The following LIMCH1 variants were observed in gnomAD, a reference collection of about 807,000 sequenced individuals.
LIMCH1 encodes LIM and calponin homology domains-containing protein 1.
Under a neutral mutation model 176.5 loss-of-function variants are expected in LIMCH1, and 113 were observed. The observed-to-expected ratio is 0.64, with a 90% CI of 0.55 to 0.75. LIMCH1 has a LOEUF of 0.75. LIMCH1 is among the 30% of genes least tolerant of loss of function. The pLI, the probability that LIMCH1 is intolerant of heterozygous loss-of-function variation, is 0.00. For synonymous variants in LIMCH1, 619 were observed against 645.9 expected (o/e 0.96, Z 0.63); for missense variants, 1,674 against 1,814.9 (o/e 0.92, Z 1.41).
intron 31 of LIMCH1, among the ~76,000 whole-genome samples, chr4:41,693,855 T>C (rs991827146): frequency 7.9e-5 from 12 of 152,156 alleles, no homozygotes; most frequent in African/African-American, 2.9e-4. Context: ...AAAAGTGCTG[T>C]AGATCTGAGT....
intron 1 of LIMCH1, among the ~76,000 whole-genome samples, chr4:41,467,007 A>G (rs189743253): frequency 5.3e-5 from 8 of 152,266 alleles, no homozygotes; most frequent in Non-Finnish European, 1.2e-4. Context: ...TACCTCGCAT[A>G]GGTGGAATCA....
chr4:41,518,706 G>A (rs1342531906), intron 2 of LIMCH1, among the ~76,000 whole-genome samples: 3 of 152,124 alleles, frequency 2.0e-5, no homozygotes, highest in Non-Finnish European at 4.4e-5. Flanking sequence ...CATGCATTAG[G>A]TATTTGTCCT....
chr4:41,682,513 G>A (rs767037533), intron 26 of LIMCH1, 53 bp downstream of exon 26: 67 of 1,581,264 alleles, frequency 4.2e-5, no homozygotes, highest in Admixed American at 9.0e-5. Context: ...GGCTCTGCTC[G>A]TGCACGCTCA....
At chr4:41,620,905 G>A (rs2092523768) in intron 7 of LIMCH1, among the ~76,000 whole-genome samples, 2 of 152,232 alleles carry the variant, frequency 1.3e-5, no homozygotes, top group South Asian at 4.1e-4. Context: ...GGTGAAGAGT[G>A]AGCTCCTCAC....
At chr4:41,482,866 G>A (rs563983821) in intron 1 of LIMCH1, among the ~76,000 whole-genome samples, 90 of 152,304 alleles carry the variant, frequency 5.9e-4, no homozygotes, top group African/African-American at 2.1e-3. Flanking sequence ...GTTGGTACAA[G>A]TTCATTAATT....
At chr4:41,559,227 A>G (rs1387635225) in intron 1 of LIMCH1, among the ~76,000 whole-genome samples, 1 of 152,166 alleles carries the variant, frequency 6.6e-6, no homozygotes, top group Non-Finnish European at 1.5e-5. Context: ...ATAAATCAAA[A>G]GTCCAGCTTC....
At chr4:41,517,337 G>C (rs1174359044) in intron 2 of LIMCH1, among the ~76,000 whole-genome samples, 1 of 152,164 alleles carries the variant, frequency 6.6e-6, no homozygotes. Context: ...TCCAGTGTGT[G>C]CCCGAGACAG....
chr4:41,442,796 C>A (rs909032050), intron 1 of LIMCH1, among the ~76,000 whole-genome samples: 2 of 152,200 alleles, frequency 1.3e-5, no homozygotes, highest in African/African-American at 4.8e-5. Context: ...CCCTTCCTCC[C>A]TCTATTGTAT....
intron 1 of LIMCH1, among the ~76,000 whole-genome samples, chr4:41,594,782 C>T (rs924781114): frequency 2.0e-5 from 3 of 152,106 alleles, no homozygotes; most frequent in African/African-American, 7.2e-5. Context: ...TGTTCAAAGG[C>T]GTGCATCCCA....
At chr4:41,458,727 T>C (rs2064927203) in intron 1 of LIMCH1, among the ~76,000 whole-genome samples, 1 of 148,942 alleles carries the variant, frequency 6.7e-6, no homozygotes, top group Non-Finnish European at 1.5e-5. Context: ...TAAGCTGAGA[T>C]TGTGCCACTG....
intron 1 of LIMCH1, among the ~76,000 whole-genome samples, chr4:41,419,133 A>G (rs868776933): frequency 9.3e-6 from 1 of 107,100 alleles, no homozygotes; most frequent in Non-Finnish European, 1.8e-5. Context: ...GTTTTATTTT[A>G]TTTTATTTTA....
chr4:41,620,560 C>G lies in LIMCH1; in HGVS notation c.595C>G (p.Pro199Ala). 3 of 1,536,292 alleles carry G rather than the reference C, an allele frequency of 2.0e-6. No homozygotes were observed. Among genetic ancestry groups the G allele is most frequent in the Non-Finnish European group, 2.6e-6 (3 of 1,146,970 alleles). The change falls in exon 7 of 32, where the codon CCT becomes GCT. Residue 199 changes from proline (P) to alanine (A), a missense_variant. Pro to Ala is a conservative substitution (Grantham distance 27). Transcript: ENST00000503057. ...ACCTGACGGCAGTGGTAAGGAGCAC[C>G]CTTCTTCAGACGGGGCTGTGGTGGC... ...ELPDGSGKEHPSSDGAVVAPA... is the reference protein window; with the variant it reads ...ELPDGSGKEHASSDGAVVAPA...
chr4:41,550,480 C>T (rs2080246718), intron 1 of LIMCH1, among the ~76,000 whole-genome samples: 2 of 152,174 alleles, frequency 1.3e-5, no homozygotes, highest in African/African-American at 2.4e-5. Flanking sequence ...ATCAATCATA[C>T]ACCACTTGGC....
At chr4:41,474,919 A>C (rs1412353016) in intron 1 of LIMCH1, among the ~76,000 whole-genome samples, 2 of 152,200 alleles carry the variant, frequency 1.3e-5, no homozygotes, top group Non-Finnish European at 2.9e-5. Context: ...ATATGGAAAC[A>C]ACAGAGTGTT....
intron 1 of LIMCH1, among the ~76,000 whole-genome samples, chr4:41,564,148 T>G (rs887450969): frequency 6.6e-6 from 1 of 152,224 alleles, no homozygotes; most frequent in Non-Finnish European, 1.5e-5. Context: ...CAATTACTTC[T>G]CATAACAAGT....
chr4:41,360,132 G>C (rs945187275), upstream of LIMCH1, among the ~76,000 whole-genome samples: 2 of 152,080 alleles, frequency 1.3e-5, no homozygotes, highest in Non-Finnish European at 2.9e-5. This position sits in a 1 kb window ranked among gnomAD's most constrained non-coding sequence, Gnocchi z 4.5. Context: ...TTGGTTGACT[G>C]CATCGACAGA....
chr4:41,523,548 G>A (rs765960903), intron 2 of LIMCH1, among the ~76,000 whole-genome samples: 3 of 152,132 alleles, frequency 2.0e-5, no homozygotes, highest in Non-Finnish European at 4.4e-5. Context: ...ATTCCCGAAC[G>A]TGGAAATAAC....
intron 22 of LIMCH1, among the ~76,000 whole-genome samples, chr4:41,671,889 A>G (rs1198821265): frequency 1.3e-5 from 2 of 150,838 alleles, no homozygotes; most frequent in Non-Finnish European, 3.0e-5. Flanking sequence ...CGTCTCAAAA[A>G]AAAAAAAAAA....
chr4:41,569,934 A>G lies in LIMCH1; in HGVS notation c.-240-28986A>G, dbSNP rs529128254. On this transcript the variant is annotated intron_variant, in intron 1 of 31. Coordinates refer to ENST00000503057, the MANE Select transcript of LIMCH1 (RefSeq NM_001330672.2). ...TAATCTATTTTGCATTTCTCTGGCCATTGTGACTGAATTTCTCTTTCATGA... is the reference window on the plus strand; with the variant it reads ...TAATCTATTTTGCATTTCTCTGGCCGTTGTGACTGAATTTCTCTTTCATGA... Among the ~76,000 whole-genome samples, 4 of 152,356 alleles carry G rather than the reference A, an allele frequency of 2.6e-5. No homozygotes were observed. In the East Asian group the frequency reaches 5.8e-4, roughly 22 times the overall value.
Sources: gnomAD v4.1 joint callset for allele counts (sites outside exome capture counted in the v4.1 genomes callset) on GRCh38, gnomAD v4.1.1 for gene constraint, Gnocchi (gnomAD v3.1) non-coding constraint, MANE v1.5 for transcripts, NCBI Gene and HGNC (gene_info 2026-07-23, HGNC 2026-07-21) for gene names.